The following ZNF165 variants were observed in gnomAD, a reference collection of about 807,000 sequenced individuals.
The protein encoded by ZNF165 is zinc finger protein 165, also known as cancer/testis antigen 53.
A neutral mutation model predicts 19.6 loss-of-function variants in ZNF165; 14 were observed. That is an observed-to-expected ratio of 0.71 (90% CI 0.47 to 1.12). The LOEUF is 1.12. Ranked by LOEUF, ZNF165 falls within the 50% of genes most tolerant of loss-of-function variation. The pLI, the probability that ZNF165 is intolerant of heterozygous loss-of-function variation, is 0.00. For synonymous variants in ZNF165, 165 were observed against 195.0 expected (o/e 0.85, Z 1.28); for missense variants, 504 against 566.3 (o/e 0.89, Z 1.12).
At position 28,088,779 on chromosome 6, in the gene ZNF165, G is replaced by A. The variant is rs778063884; in HGVS notation, c.767G>A (p.Gly256Asp). 9.3e-6 allele frequency: 15 copies of A among 1,613,966 alleles called. No individual in the cohort carries two copies. The African/African-American group carries it at 1.9e-4, about 20-fold the overall frequency. ...TCGTCTGCCCAGGATGAAGGTTTTG[G>A]TAAAATCCTCACCCACAAAAATACA... ...RLSSAQDEGF[G>D]KILTHKNTVR... The change falls in exon 4 of 4, where the codon GGT becomes GAT. Residue 256 changes from glycine to aspartate, a missense_variant. Physicochemically the swap from Gly to Asp is moderately conservative, Grantham distance 94. Transcript: ENST00000683778.
Position 28,089,310 on chromosome 6 carries a change from G to A in ZNF165, c.1298G>A (p.Cys433Tyr). ...GAGAAACCCTACGAGTGTAGTGAAT[G>A]TGGGAAAACCTTCCGAGTGAGCTCA... ...TREKPYECSECGKTFRVSSHL... is the reference protein window; with the variant it reads ...TREKPYECSEYGKTFRVSSHL... Residue 433 changes from cysteine to tyrosine, a missense_variant, in exon 4 of 4, where the codon TGT (cysteine) becomes TAT (tyrosine). Transcript: ENST00000683778. The A allele has an allele frequency of 4.3e-6, 7 of 1,614,188 alleles. No individual in the cohort carries two copies. Among genetic ancestry groups the A allele is most frequent in the Non-Finnish European group, 5.9e-6 (7 of 1,180,026 alleles).
At chr6:28,088,102 G>A (rs1195946674) in intron 3 of ZNF165, among the ~76,000 whole-genome samples, 1 of 152,162 alleles carries the variant, frequency 6.6e-6, no homozygotes, top group African/African-American at 2.4e-5. Context: ...TAGACAATAG[G>A]TGGATGGAAG....
Position 28,085,741 on chromosome 6 carries a change from G to C in ZNF165, c.261G>C (p.Gln87His). ...AGCCAGAGATCCATACCAAGGAACAGATTCTGGAACTGCTGGTGCTAGAGC... is the reference window on the plus strand; with the variant it reads ...AGCCAGAGATCCATACCAAGGAACACATTCTGGAACTGCTGGTGCTAGAGC... The part of the protein sequence containing the change: ...WLKPEIHTKE[Q>H]ILELLVLEQF... Residue 87 changes from glutamine (Q) to histidine (H), a missense_variant, in exon 2 of 4, where the codon CAG becomes CAC. By Grantham distance (24) the Gln-to-His change is conservative. Transcript: ENST00000683778. 1 of 1,613,836 alleles carries C rather than the reference G, an allele frequency of 6.2e-7. No homozygotes were observed. Among genetic ancestry groups the C allele is most frequent in the Non-Finnish European group, 8.5e-7 (1 of 1,180,048 alleles).
chr6:28,088,444 C>G (rs1764338302), intron 3 of ZNF165, 119 bp from the exon 4 acceptor site: 1 of 800,464 alleles, frequency 1.2e-6, no homozygotes, highest in Non-Finnish European at 1.9e-6. Flanking sequence ...TATCATTCCT[C>G]TCATGTGAAA....
Position 28,088,773 on chromosome 6 carries a change from G to C in ZNF165, c.761G>C (p.Gly254Ala). The C allele has an allele frequency of 6.2e-7, 1 of 1,614,118 alleles. No homozygotes were observed. The highest frequency in any genetic ancestry group is 1.1e-5 in the South Asian group (1 of 91,068). ...AGACTCTCGTCTGCCCAGGATGAAG[G>C]TTTTGGTAAAATCCTCACCCACAAA... ...SQRLSSAQDE[G>A]FGKILTHKNT... is the part of the protein sequence containing the mutation. Residue 254 changes from glycine (G) to alanine (A), a missense_variant, in exon 4 of 4, where the codon GGT becomes GCT. Gly to Ala is a moderately conservative substitution (Grantham distance 60). Coordinates refer to ENST00000683778, the MANE Select transcript of ZNF165 (RefSeq NM_001376491.1).
chr6:28,085,480 G>A lies in ZNF165; in HGVS notation c.1-1G>A. On this transcript the variant is annotated splice_acceptor_variant, in intron 1 of 3. Transcript: ENST00000683778. LOFTEE classifies it low-confidence loss of function (5UTR_SPLICE). ...GTTCTGATAATATATTCTATCCACA[G>A]ATGGCTACAGAACCAAAGAAAGCTG... 6.2e-7 allele frequency: 1 copy of A among 1,607,192 alleles called. No homozygotes were observed. The highest frequency in any genetic ancestry group is 8.5e-7 in the Non-Finnish European group (1 of 1,178,516).
Position 28,089,327 on chromosome 6 carries a change from G to A in ZNF165, c.1315G>A (p.Val439Met), listed in dbSNP as rs549464884. The change falls in exon 4 of 4, where the codon GTG becomes ATG. Residue 439 changes from valine (V) to methionine (M), a missense_variant. Val to Met is a conservative substitution (Grantham distance 21). Coordinates refer to ENST00000683778, the MANE Select transcript of ZNF165 (RefSeq NM_001376491.1). ...ECSECGKTFR[V>M]SSHLIRHFRI... The stretch of plus-strand genomic sequence containing the variant: ...TAGTGAATGTGGGAAAACCTTCCGA[G>A]TGAGCTCACATCTTATTCGACACTT... 354 of 1,614,172 alleles carry A rather than the reference G, an allele frequency of 2.2e-4. 3 individuals are homozygous for A. The South Asian group carries it at 3.6e-3, about 17-fold the overall frequency.
Position 28,086,292 on chromosome 6 carries a change from C to T in ZNF165, c.532C>T (p.Gln178Ter). Residue 178 changes from glutamine (Q) to a stop codon, truncating the protein, a stop_gained, in exon 3 of 4, where the codon CAG becomes TAG. Coordinates refer to ENST00000683778, the MANE Select transcript of ZNF165 (RefSeq NM_001376491.1). LOFTEE classifies it low-confidence loss of function (END_TRUNC). ...TKAHFDSSEP[Q>*]LLWDCDNESE... ...GGCCCATTTTGATTCATCAGAACCC[C>T]AGCTCCTATGGGACTGTGGTGAGGG... The T allele has an allele frequency of 6.2e-7, 1 of 1,614,112 alleles. No homozygotes were observed. The highest frequency in any genetic ancestry group is 8.5e-7 in the Non-Finnish European group (1 of 1,179,988).
Position 28,089,270 on chromosome 6 carries a change from A to G in ZNF165, c.1258A>G (p.Arg420Gly). 6.2e-7 allele frequency: 1 copy of G among 1,614,182 alleles called. No homozygotes were observed. The highest frequency in any genetic ancestry group is 8.5e-7 in the Non-Finnish European group (1 of 1,180,026). Residue 420 changes from arginine (R) to glycine (G), a missense_variant, in exon 4 of 4, where the codon AGA (arginine) becomes GGA (glycine). Transcript: ENST00000683778. ...GAACTCACATCTTATCAGGCATCAG[A>G]GAATTCACACCAGAGAGAAACCCTA... ...NLNSHLIRHQ[R>G]IHTREKPYEC...
Position 28,080,883 on chromosome 6 carries a change from C to A in ZNF165, c.-88C>A, listed in dbSNP as rs1456851513. The A allele has an allele frequency of 6.6e-6, 1 of 152,240 alleles. No homozygotes were observed. The highest frequency in any genetic ancestry group is 2.4e-5 in the African/African-American group (1 of 41,444). 9.4% of individuals were successfully genotyped at this position (152,240 alleles called of 1,614,324 possible). Reference sequence around the variant, plus strand: ...GCATCCCGCCTTCTGCGCAGACTCACAAGTCCCTGTGGACGGAATTCTTGA... The same window carrying A: ...GCATCCCGCCTTCTGCGCAGACTCAAAAGTCCCTGTGGACGGAATTCTTGA... On this transcript the variant is annotated 5_prime_UTR_variant, in exon 1 of 4. Coordinates refer to ENST00000683778, the MANE Select transcript of ZNF165 (RefSeq NM_001376491.1).
Position 28,089,033 on chromosome 6 carries a change from G to C in ZNF165, c.1021G>C (p.Asp341His), listed in dbSNP as rs1161734873. The C allele has an allele frequency of 6.2e-7, 1 of 1,614,200 alleles. No individual in the cohort carries two copies. The highest frequency in any genetic ancestry group is 8.5e-7 in the Non-Finnish European group (1 of 1,180,038). ...LAKHAAVFSG[D>H]KTHQCNECGK... ...TAAACATGCAGCAGTTTTCAGTGGA[G>C]ATAAAACTCATCAGTGTAATGAATG... is the stretch of plus-strand genomic sequence containing the variant. Residue 341 changes from aspartate to histidine, a missense_variant, in exon 4 of 4, where the codon GAT becomes CAT. Transcript: ENST00000683778.
intron 3 of ZNF165, among the ~76,000 whole-genome samples, chr6:28,087,661 C>CTT (rs1764310455): frequency 6.6e-6 from 1 of 152,190 alleles, no homozygotes; most frequent in Non-Finnish European, 1.5e-5. Flanking sequence ...CACTCCCTAA[C>CTT]CCTCTTTCCT....
In ZNF165 at chr6:28,089,179, A is replaced by G. The variant is rs754648837; in HGVS notation, c.1167A>G (p.Arg389=). Residue 389 remains arginine, a synonymous_variant, in exon 4 of 4, where the codon AGA becomes AGG. Transcript: ENST00000683778. ...KSFAESSDLT[R]HRRIHTGERP... ...TTGCAGAGAGCTCAGATCTTACTAG[A>G]CATCGGCGAATTCACACTGGGGAAA... The G allele has an allele frequency of 4.3e-6, 7 of 1,614,226 alleles. No homozygotes were observed. The highest frequency in any genetic ancestry group is 5.9e-6 in the Non-Finnish European group (7 of 1,180,032).
chr6:28,088,934 A>G lies in ZNF165; in HGVS notation c.922A>G (p.Ile308Val). 6.2e-7 allele frequency: 1 copy of G among 1,614,198 alleles called. No individual in the cohort carries two copies. Among genetic ancestry groups the G allele is most frequent in the Non-Finnish European group, 8.5e-7 (1 of 1,180,034 alleles). Residue 308 changes from isoleucine to valine, a missense_variant, in exon 4 of 4, where the codon ATT (isoleucine) becomes GTT (valine). By Grantham distance (29) the Ile-to-Val change is conservative. Transcript: ENST00000683778. ...GAGCTTCAAATGGAACTCAGATTTT[A>G]TTAACCATCAAATAATTTATGCTGG... ...DQSFKWNSDF[I>V]NHQIIYAGEK...
chr6:28,087,988 G>A (rs540413823), intron 3 of ZNF165, among the ~76,000 whole-genome samples: 6 of 152,292 alleles, frequency 3.9e-5, no homozygotes, highest in Non-Finnish European at 2.9e-5. Flanking sequence ...AGACTATGGC[G>A]ATGGTAGCAG....
Position 28,089,333 on chromosome 6 carries a change from T to C in ZNF165, c.1321T>C (p.Ser441Pro). ...SECGKTFRVSSHLIRHFRIHT... is the reference protein window; with the variant it reads ...SECGKTFRVSPHLIRHFRIHT... Reference sequence around the variant, plus strand: ...ATGTGGGAAAACCTTCCGAGTGAGCTCACATCTTATTCGACACTTTAGAAT... The same window carrying C: ...ATGTGGGAAAACCTTCCGAGTGAGCCCACATCTTATTCGACACTTTAGAAT... Residue 441 changes from serine to proline, a missense_variant, in exon 4 of 4, where the codon TCA becomes CCA. Ser to Pro is a moderately conservative substitution (Grantham distance 74). Coordinates refer to ENST00000683778, the MANE Select transcript of ZNF165 (RefSeq NM_001376491.1). 6.2e-7 allele frequency: 1 copy of C among 1,614,146 alleles called. No individual in the cohort carries two copies. The highest frequency in any genetic ancestry group is 8.5e-7 in the Non-Finnish European group (1 of 1,180,016).
intron 3 of ZNF165, among the ~76,000 whole-genome samples, chr6:28,087,240 G>A (rs1764296225): frequency 1.3e-5 from 2 of 152,080 alleles, no homozygotes; most frequent in South Asian, 4.1e-4. Flanking sequence ...TGGTTTGTTT[G>A]TTTTGTTTTG....
intron 3 of ZNF165, 23 bp downstream of exon 3, chr6:28,086,333 G>A: frequency 6.3e-7 from 1 of 1,598,948 alleles, no homozygotes; most frequent in African/African-American, 1.4e-5. Context: ...ATGCCATATA[G>A]TGCACATCAC....
chr6:28,087,311 T>G (rs540430032), intron 3 of ZNF165, among the ~76,000 whole-genome samples: 1 of 152,188 alleles, frequency 6.6e-6, no homozygotes, highest in Non-Finnish European at 1.5e-5. Flanking sequence ...AGTGGCGTGA[T>G]CTCAGCTCAC....
Sources: gnomAD v4.1 joint callset for allele counts (sites outside exome capture counted in the v4.1 genomes callset) on GRCh38, gnomAD v4.1.1 for gene constraint, MANE v1.5 for transcripts, NCBI Gene and HGNC (gene_info 2026-07-23, HGNC 2026-07-21) for gene names.